The following CTNND2 variants were observed in gnomAD, a reference collection of about 807,000 sequenced individuals.
CTNND2 encodes the protein catenin delta-2.
Under a neutral mutation model 144.4 loss-of-function variants are expected in CTNND2, and 22 were observed. That is an observed-to-expected ratio of 0.15 (90% CI 0.11 to 0.22). The LOEUF (loss-of-function observed/expected upper bound fraction) is 0.22. Ranked by LOEUF, CTNND2 falls within the 10% of genes least tolerant of loss-of-function variation. The pLI, the probability that CTNND2 is intolerant of heterozygous loss-of-function variation, is 1.00. For synonymous variants in CTNND2, 751 were observed against 695.6 expected (o/e 1.08, Z -1.25); for missense variants, 1,353 against 1,618.8 (o/e 0.84, Z 2.82).
rs1266041070 is a variant in CTNND2, at chr5:11,663,854, TTAAG to T, written c.174+68278_174+68281del. On this transcript the variant is annotated intron_variant, in intron 2 of 21. Coordinates refer to ENST00000304623, the MANE Select transcript of CTNND2 (RefSeq NM_001332.4). ...ATCATTGTATTCATAGCTAATAGCA[TTAAG>T]TAACTTATTATGCTTCTAAATTATA... Among the ~76,000 whole-genome samples the T allele has an allele frequency of 1.1e-4, 17 of 152,296 alleles. 1 individual carries two copies. Among genetic ancestry groups the T allele is most frequent in the Admixed American group, 9.8e-4 (15 of 15,292 alleles).
intron 2 of CTNND2, among the ~76,000 whole-genome samples, chr5:11,657,888 C>T (rs770372882): frequency 1.3e-5 from 2 of 151,966 alleles, no homozygotes; most frequent in African/African-American, 4.8e-5. Context: ...AAAGAAAAAA[C>T]GTAAACAATG....
At chr5:11,191,720 CCT>C (rs1375821045) in intron 11 of CTNND2, among the ~76,000 whole-genome samples, 3 of 152,198 alleles carry the variant, frequency 2.0e-5, no homozygotes, top group African/African-American at 7.2e-5. Context: ...CACCACATCC[CCT>C]CTTTCCACTT....
chr5:10,996,450 T>C (rs762424351), intron 18 of CTNND2, among the ~76,000 whole-genome samples: 25 of 53,158 alleles, frequency 4.7e-4, no homozygotes, highest in Non-Finnish European at 7.7e-4. Context: ...GGACGTCTGT[T>C]CCACCTCCAG....
At chr5:11,722,120 A>C (rs1267076984) in intron 2 of CTNND2, among the ~76,000 whole-genome samples, 1 of 152,224 alleles carries the variant, frequency 6.6e-6, no homozygotes, top group Non-Finnish European at 1.5e-5. Flanking sequence ...GATGAAAAAT[A>C]TATTCATATT....
intron 13 of CTNND2, among the ~76,000 whole-genome samples, chr5:11,115,262 C>T (rs1753430182): frequency 6.6e-6 from 1 of 152,232 alleles, no homozygotes; most frequent in South Asian, 2.1e-4. Context: ...GATGTTTGTG[C>T]CATGTTGGTT....
chr5:11,579,579 G>A (rs1778251857), intron 2 of CTNND2, among the ~76,000 whole-genome samples: 1 of 152,140 alleles, frequency 6.6e-6, no homozygotes, highest in Non-Finnish European at 1.5e-5. Flanking sequence ...AGGCAGTTGG[G>A]CTGGCTCATG....
At position 10,973,917 on chromosome 5, in the gene CTNND2, CAT is replaced by C. The variant is rs760434425; in HGVS notation, c.3418-206_3418-205del. Reference sequence around the variant, plus strand: ...CCTAGGTCCACGTGCTATCATTCTACATAATCTTTATCATGGCAAAATATACA... The same window carrying C: ...CCTAGGTCCACGTGCTATCATTCTACAATCTTTATCATGGCAAAATATACA... On this transcript the variant is annotated intron_variant, in intron 21 of 21. Transcript: ENST00000304623. This position sits in a 1 kb window ranked among gnomAD's most constrained non-coding sequence, Gnocchi z 5.6. 6.6e-6 allele frequency among the ~76,000 whole-genome samples: 1 copy of C among 152,236 alleles called. No individual in the cohort carries two copies. The highest frequency in any genetic ancestry group is 2.4e-5 in the African/African-American group (1 of 41,460).
At chr5:11,773,883 A>G (rs1239411347) in intron 1 of CTNND2, among the ~76,000 whole-genome samples, 1 of 151,830 alleles carries the variant, frequency 6.6e-6, no homozygotes, top group Non-Finnish European at 1.5e-5. Context: ...GGAAATCATC[A>G]TGTATTAATA....
rs1758825899 is a variant in CTNND2 at position 11,384,423 on chromosome 5, A to G, written c.1177+242T>C. The G allele has an allele frequency of 1.8e-6, 1 of 541,750 alleles. No homozygotes were observed. Among genetic ancestry groups the G allele is most frequent in the African/African-American group, 1.9e-5 (1 of 51,952 alleles). 33.6% of individuals were successfully genotyped at this position (541,750 alleles called of 1,614,324 possible). The stretch of plus-strand genomic sequence containing the variant: ...AGAGGGCAGAGAGAGAAGAGAGGAG[A>G]GAAGAGAGTGATATAGGTGTTAGAG... On this transcript the variant is annotated intron_variant, in intron 7 of 21. Transcript: ENST00000304623. This position sits in a 1 kb window ranked among gnomAD's most constrained non-coding sequence, Gnocchi z 5.2.
chr5:11,410,425 TGCATGACGAA>T (rs968026487), intron 5 of CTNND2, among the ~76,000 whole-genome samples: 66 of 152,336 alleles, frequency 4.3e-4, no homozygotes, highest in African/African-American at 1.5e-3. Context: ...GTCTTCCTTT[TGCATGACGAA>T]GCTTAGTGGG....
chr5:11,698,983 T>C (rs936352472), intron 2 of CTNND2, among the ~76,000 whole-genome samples: 2 of 150,336 alleles, frequency 1.3e-5, no homozygotes, highest in South Asian at 2.1e-4. Context: ...TATTAAAACA[T>C]TAAAATATTA....
At chr5:11,790,622 CT>C (rs1235860565) in intron 1 of CTNND2, among the ~76,000 whole-genome samples, 1 of 152,180 alleles carries the variant, frequency 6.6e-6, no homozygotes, top group Admixed American at 6.5e-5. Flanking sequence ...ACATTTGCTT[CT>C]TTGAATATGT....
intron 2 of CTNND2, among the ~76,000 whole-genome samples, chr5:11,713,997 C>T (rs950986206): frequency 2.0e-5 from 3 of 152,018 alleles, no homozygotes; most frequent in Non-Finnish European, 4.4e-5. Flanking sequence ...ACCGTAGCCT[C>T]GACAACAAGT....
intron 6 of CTNND2, among the ~76,000 whole-genome samples, chr5:11,388,130 A>G (rs553278547): frequency 6.6e-6 from 1 of 152,346 alleles, no homozygotes; most frequent in South Asian, 2.1e-4. Flanking sequence ...TTTGGCATGA[A>G]AAAAGGAAAA....
At chr5:11,088,589 C>T (rs987968700) in intron 15 of CTNND2, among the ~76,000 whole-genome samples, 1 of 151,976 alleles carries the variant, frequency 6.6e-6, no homozygotes, top group Non-Finnish European at 1.5e-5. Flanking sequence ...AGAAAACATG[C>T]CATTTTTGGA....
chr5:11,687,758 T>C (rs1784723176), intron 2 of CTNND2, among the ~76,000 whole-genome samples: 1 of 152,012 alleles, frequency 6.6e-6, no homozygotes, highest in Non-Finnish European at 1.5e-5. Flanking sequence ...CACTGACAAG[T>C]ATAATACACA....
At chr5:11,420,550 A>G (rs1002027871) in intron 3 of CTNND2, among the ~76,000 whole-genome samples, 3 of 152,144 alleles carry the variant, frequency 2.0e-5, no homozygotes, top group Non-Finnish European at 2.9e-5. Flanking sequence ...AAAAATGGTG[A>G]AGAGTGATCC....
intron 1 of CTNND2, among the ~76,000 whole-genome samples, chr5:11,811,955 T>C (rs1792357710): frequency 6.6e-6 from 1 of 152,178 alleles, no homozygotes; most frequent in African/African-American, 2.4e-5. Flanking sequence ...AAAATGGCTA[T>C]CCTCATAAAC....
chr5:11,812,284 A>T (rs1056491687), intron 1 of CTNND2, among the ~76,000 whole-genome samples: 7 of 152,170 alleles, frequency 4.6e-5, no homozygotes, highest in Admixed American at 2.6e-4. Context: ...TCTTAAGATG[A>T]ATTAGAACAT....
Sources: allele counts gnomAD v4.1 joint callset (sites outside exome capture counted in the v4.1 genomes callset), GRCh38; gene constraint gnomAD v4.1.1; non-coding constraint Gnocchi (gnomAD v3.1); transcripts MANE v1.5; gene names NCBI Gene and HGNC (gene_info 2026-07-23, HGNC 2026-07-21).